SYTL3: variants seen among roughly 807,000 people sequenced by gnomAD.
SYTL3 encodes the protein synaptotagmin like 3.
In SYTL3, 88 loss-of-function variants were observed where a neutral mutation model predicts 82.1. That is an observed-to-expected ratio of 1.07 (90% CI 0.90 to 1.28). The LOEUF (loss-of-function observed/expected upper bound fraction) is 1.28, where lower values mean the gene tolerates loss of function less well. SYTL3 is among the 50% of genes most tolerant of loss of function. The pLI, the probability that SYTL3 is intolerant of heterozygous loss-of-function variation, is 0.00. For synonymous variants in SYTL3, 311 were observed against 289.4 expected (o/e 1.07, Z -0.76); for missense variants, 831 against 757.6 (o/e 1.10, Z -1.14).
chr6:158,711,194 A>G (rs899954502), intron 8 of SYTL3, among the ~76,000 whole-genome samples: 6 of 152,152 alleles, frequency 3.9e-5, no homozygotes, highest in Non-Finnish European at 5.9e-5. Flanking sequence ...TAGCTTTTAA[A>G]CTTTTACCAT....
At chr6:158,763,148 CGAGTCCTG>C (rs1562478451) in intron 16 of SYTL3, among the ~76,000 whole-genome samples, 148 bp from the exon 17 acceptor site, 375 of 152,338 alleles carry the variant, frequency 2.5e-3, no homozygotes, top group African/African-American at 8.4e-3. Flanking sequence ...GGAAATGTGC[CGAGTCCTG>C]TGGTTCCCAC....
rs1562399083 is a variant in SYTL3, at chr6:158,704,857, CA to C, written c.395-2372del. 1.5e-3 allele frequency among the ~76,000 whole-genome samples: 183 copies of C among 123,902 alleles called. 3 individuals are homozygous for C. The highest frequency in any genetic ancestry group is 7.4e-3 in the South Asian group (28 of 3,786). The allele number at this position is 123,902 out of a possible 152,430, so 81.3% of individuals were successfully genotyped here. ...AAGGCCACATAGGGCAGGAGGGACC[CA>C]GGGCAGGGTGACAGTGAGGGCTGTA... On this transcript the variant is annotated intron_variant, in intron 6 of 17. Coordinates refer to ENST00000611299, the MANE Select transcript of SYTL3 (RefSeq NM_001242394.2).
intron 6 of SYTL3, among the ~76,000 whole-genome samples, chr6:158,698,947 C>T (rs6901469): frequency 0.51 from 77,245 of 151,962 alleles, 20,354 homozygotes; most frequent in African/African-American, 0.64. Flanking sequence ...ATGTTATTCC[C>T]ACTCCACAGG....
intron 14 of SYTL3, among the ~76,000 whole-genome samples, chr6:158,759,333 G>A (rs1157976876): frequency 1.3e-5 from 2 of 152,184 alleles, no homozygotes; most frequent in Non-Finnish European, 2.9e-5. Flanking sequence ...GTTTCTGGCC[G>A]CTGAGGCTGG....
At chr6:158,749,254 G>A (rs1306610394) in intron 12 of SYTL3, among the ~76,000 whole-genome samples, 1 of 150,406 alleles carries the variant, frequency 6.6e-6, no homozygotes, top group Non-Finnish European at 1.5e-5. Context: ...TTAGCCAGGT[G>A]TGGTGGCACA....
Position 158,752,048 on chromosome 6 carries a change from A to T in SYTL3, c.1137+18A>T. Reference sequence around the variant, plus strand: ...CCTTGAAGGTACTTGCTGGACAGATATTCCTGTGCAGAGTCCTCCCGAGCC... The same window carrying T: ...CCTTGAAGGTACTTGCTGGACAGATTTTCCTGTGCAGAGTCCTCCCGAGCC... On this transcript the variant is annotated intron_variant, in intron 13 of 17. Coordinates refer to ENST00000611299, the MANE Select transcript of SYTL3 (RefSeq NM_001242394.2). 1 of 1,567,292 alleles carries T rather than the reference A, an allele frequency of 6.4e-7. No homozygotes were observed. The highest frequency in any genetic ancestry group is 1.2e-5 in the South Asian group (1 of 83,622).
At chr6:158,648,295 AAAAAT>A (rs1344554433), upstream of SYTL3, among the ~76,000 whole-genome samples, 1 of 152,034 alleles carries the variant, frequency 6.6e-6, no homozygotes, top group South Asian at 2.1e-4. Context: ...CTCCGTCTCA[AAAAAT>A]AAAATAATAG....
chr6:158,761,692 C>CTAG, intron 15 of SYTL3, among the ~76,000 whole-genome samples: 1 of 152,216 alleles, frequency 6.6e-6, no homozygotes, highest in East Asian at 1.9e-4. Context: ...CACGGGGTCA[C>CTAG]CAGCAGACCA....
intron 11 of SYTL3, among the ~76,000 whole-genome samples, chr6:158,738,881 C>A (rs1402222161): frequency 6.6e-6 from 1 of 152,202 alleles, no homozygotes. Flanking sequence ...TGGTCTTGAA[C>A]TCTTGACCTC....
At chr6:158,715,744 CCT>C (rs1346044857) in intron 9 of SYTL3, among the ~76,000 whole-genome samples, 1 of 151,202 alleles carries the variant, frequency 6.6e-6, no homozygotes, top group Admixed American at 6.6e-5. Context: ...GAGTGCTTCC[CCT>C]GTTTCTGCAG....
At chr6:158,727,391 G>A (rs1353443915) in intron 11 of SYTL3, among the ~76,000 whole-genome samples, 2 of 151,516 alleles carry the variant, frequency 1.3e-5, no homozygotes, top group South Asian at 2.1e-4. Flanking sequence ...GGCTGGTCTC[G>A]AACTCTTGAC....
At chr6:158,749,045 A>G (rs1788019284) in intron 12 of SYTL3, among the ~76,000 whole-genome samples, 1 of 151,108 alleles carries the variant, frequency 6.6e-6, no homozygotes, top group Non-Finnish European at 1.5e-5. Context: ...AACATGGTGA[A>G]ACCCCGTCTC....
chr6:158,653,924 T>A (rs765078475), intron 2 of SYTL3, among the ~76,000 whole-genome samples: 2 of 152,212 alleles, frequency 1.3e-5, no homozygotes, highest in Non-Finnish European at 2.9e-5. Flanking sequence ...ATGAAAGAAA[T>A]AGGGGCCCCT....
chr6:158,745,376 A>G lies in SYTL3; in HGVS notation c.856-104A>G. On this transcript the variant is annotated intron_variant, in intron 11 of 17. Transcript: ENST00000611299. The stretch of plus-strand genomic sequence containing the variant: ...CATTATTAACTTGATGTGAGTCAGG[A>G]TACATGCTGTATGAGTTTTTATTTA... 4 of 1,001,480 alleles carry G rather than the reference A, an allele frequency of 4.0e-6. No homozygotes were observed. The South Asian group carries it at 4.5e-5, about 11-fold the overall frequency. 62.0% of individuals were successfully genotyped at this position (1,001,480 alleles called of 1,614,324 possible). A position where few individuals can be genotyped will look rare whatever the true frequency, so the allele number is the denominator to read the frequency against.
At chr6:158,656,148 A>C (rs1393830191) in intron 2 of SYTL3, among the ~76,000 whole-genome samples, 1 of 152,162 alleles carries the variant, frequency 6.6e-6, no homozygotes, top group Non-Finnish European at 1.5e-5. Flanking sequence ...TTCCCACCTC[A>C]GTATTGTCAC....
intron 11 of SYTL3, among the ~76,000 whole-genome samples, chr6:158,732,576 G>A (rs1174480831): frequency 3.3e-5 from 5 of 152,194 alleles, no homozygotes; most frequent in African/African-American, 1.2e-4. Flanking sequence ...GACTCTCTCT[G>A]CTATTTCCTA....
At chr6:158,693,575 G>A (rs1280304235) in intron 6 of SYTL3, among the ~76,000 whole-genome samples, 1 of 152,094 alleles carries the variant, frequency 6.6e-6, no homozygotes, top group African/African-American at 2.4e-5. Context: ...AGTAGAGATG[G>A]GGTTTCACCA....
At chr6:158,723,187 C>T (rs1259609854) in intron 10 of SYTL3, among the ~76,000 whole-genome samples, 17 of 149,822 alleles carry the variant, frequency 1.1e-4, no homozygotes, top group African/African-American at 4.0e-4. Flanking sequence ...CTCTGCCTCC[C>T]GGGTTCAAGT....
chr6:158,672,445 T>C (rs946061985), intron 5 of SYTL3, among the ~76,000 whole-genome samples: 3 of 152,196 alleles, frequency 2.0e-5, no homozygotes, highest in Non-Finnish European at 4.4e-5. Flanking sequence ...AATGCAGCCA[T>C]GTTGCCTTTT....
Sources: allele counts gnomAD v4.1 joint callset (sites outside exome capture counted in the v4.1 genomes callset), GRCh38; gene constraint gnomAD v4.1.1; transcripts MANE v1.5; gene names NCBI Gene and HGNC (gene_info 2026-07-23, HGNC 2026-07-21).